Variants in NEK1 observed in about 807,000 individuals in gnomAD.
The protein encoded by NEK1 is NIMA related kinase 1.
In NEK1, 137 loss-of-function variants were observed where a neutral mutation model predicts 182.1. The observed-to-expected ratio is 0.75, with a 90% CI of 0.65 to 0.87. NEK1 has a LOEUF of 0.87. Among genes scored for constraint, NEK1 ranks in the 40% least tolerant of loss-of-function variants. NEK1 has a pLI of 0.00. For synonymous variants in NEK1, 513 were observed against 492.2 expected (o/e 1.04, Z -0.56); for missense variants, 1,391 against 1,494.4 (o/e 0.93, Z 1.14).
Position 169,555,972 on chromosome 4 carries a change from T to C in NEK1, c.1390A>G (p.Lys464Glu), listed in dbSNP as rs1333269223. Residue 464 changes from lysine to glutamate, a missense_variant, in exon 17 of 36, where the codon AAA becomes GAA. Lys to Glu is a moderately conservative substitution (Grantham distance 56). Around this residue, in one of 5 missense-constraint regions of NEK1, gnomAD observed 1,216 missense variants for 1,277.6 expected, o/e 0.95. Coordinates refer to ENST00000507142, the MANE Select transcript of NEK1 (RefSeq NM_001199397.3). ...QQQRAEDNEA[K>E]WKREIYGRGL... ...CGACCATATATTTCTCTTTTCCATTTAGCTTCATTATCTTCTGCTCTTTGT... is the reference window on the plus strand; with the variant it reads ...CGACCATATATTTCTCTTTTCCATTCAGCTTCATTATCTTCTGCTCTTTGT... 1 of 1,613,790 alleles carries C rather than the reference T, an allele frequency of 6.2e-7. No individual in the cohort carries two copies. Among genetic ancestry groups the C allele is most frequent in the Non-Finnish European group, 8.5e-7 (1 of 1,179,802 alleles).
chr4:169,448,650 G>C (rs1431602849), intron 27 of NEK1, among the ~76,000 whole-genome samples: 1 of 152,208 alleles, frequency 6.6e-6, no homozygotes, highest in Non-Finnish European at 1.5e-5. Flanking sequence ...AAGACAGAGA[G>C]TGGCTGAATA....
intron 26 of NEK1, among the ~76,000 whole-genome samples, chr4:169,474,414 C>G (rs1746581580): frequency 1.3e-5 from 2 of 152,166 alleles, no homozygotes; most frequent in Admixed American, 6.5e-5. Flanking sequence ...ACTCTACATC[C>G]CCACCAAGTA....
chr4:169,595,316 A>C (rs1321374305), intron 5 of NEK1, among the ~76,000 whole-genome samples: 3 of 152,178 alleles, frequency 2.0e-5, no homozygotes, highest in Non-Finnish European at 4.4e-5. Flanking sequence ...TAATGTTCAA[A>C]ATTTAATGAA....
chr4:169,588,106 T>G (rs1439565840), intron 8 of NEK1, among the ~76,000 whole-genome samples: 1 of 152,154 alleles, frequency 6.6e-6, no homozygotes, highest in Non-Finnish European at 1.5e-5. Flanking sequence ...ACATATTATA[T>G]AGTCTGCTAG....
intron 23 of NEK1, among the ~76,000 whole-genome samples, chr4:169,487,598 A>C (rs1198191896): frequency 6.6e-6 from 1 of 152,200 alleles, no homozygotes. Flanking sequence ...TGTCTTTGCT[A>C]TCGTGAATAG....
At chr4:169,428,935 C>T (rs1736918534) in intron 29 of NEK1, among the ~76,000 whole-genome samples, 1 of 151,896 alleles carries the variant, frequency 6.6e-6, no homozygotes. Context: ...ATAAAGAGTC[C>T]CCTTTATTCT....
chr4:169,413,617 C>T (rs74447266), intron 31 of NEK1, among the ~76,000 whole-genome samples: 2,131 of 152,262 alleles, frequency 0.014, 42 homozygotes, highest in African/African-American at 0.048. Context: ...GTGTGAGAAA[C>T]TAGATCAGTC....
chr4:169,449,958 A>T (rs1334093847), intron 27 of NEK1, among the ~76,000 whole-genome samples: 1 of 152,216 alleles, frequency 6.6e-6, no homozygotes, highest in Non-Finnish European at 1.5e-5. Context: ...GGCTAACTAT[A>T]ATAAACAGTG....
intron 2 of NEK1, among the ~76,000 whole-genome samples, chr4:169,607,612 G>A (rs936424130): frequency 5.9e-5 from 9 of 152,094 alleles, no homozygotes; most frequent in South Asian, 2.1e-4. Flanking sequence ...ACAGGCGCCT[G>A]CCACCACGCC....
At chr4:169,433,147 C>G (rs1004760490) in intron 29 of NEK1, among the ~76,000 whole-genome samples, 5 of 152,124 alleles carry the variant, frequency 3.3e-5, no homozygotes, top group Non-Finnish European at 7.4e-5. Context: ...GCAATCTCTG[C>G]CTCCTGGATT....
Position 169,585,490 on chromosome 4 carries a change from A to G in NEK1, c.666T>C (p.Pro222=). ...VLKIISGSFP[P]VSLHYSYDLR... ...GATCATAGGAATAATGCAAAGACAC[A>G]GGTGGAAAAGATCCAGATATTATCT... Residue 222 remains proline (P), a synonymous_variant, in exon 10 of 36, where the codon CCT becomes CCC. Transcript: ENST00000507142. 6.2e-7 allele frequency: 1 copy of G among 1,613,594 alleles called. No homozygotes were observed. Among genetic ancestry groups the G allele is most frequent in the South Asian group, 1.1e-5 (1 of 91,044 alleles).
At position 169,525,833 on chromosome 4, in the gene NEK1, T is replaced by C. The variant is rs530462008; in HGVS notation, c.1665+11976A>G. 1.3e-3 allele frequency among the ~76,000 whole-genome samples: 193 copies of C among 152,268 alleles called. 1 individual carries two copies. Among genetic ancestry groups the C allele is most frequent in the African/African-American group, 4.5e-3 (185 of 41,546 alleles). The stretch of plus-strand genomic sequence containing the variant: ...GCCATTTAAAAAGGAACAAACAACA[T>C]AGTCAAACAGCTAAAAGCATAATCT... On this transcript the variant is annotated intron_variant, in intron 19 of 35. Transcript: ENST00000507142.
chr4:169,410,322 G>C (rs1338135570), intron 31 of NEK1, among the ~76,000 whole-genome samples: 2 of 151,822 alleles, frequency 1.3e-5, no homozygotes, highest in Non-Finnish European at 2.9e-5. Context: ...TTGCTGGTTA[G>C]TTCTATTTTT....
intron 19 of NEK1, among the ~76,000 whole-genome samples, chr4:169,531,513 T>G (rs1411534840): frequency 2.0e-5 from 3 of 151,406 alleles, no homozygotes; most frequent in African/African-American, 7.3e-5. Flanking sequence ...TATATATGTA[T>G]GTGTATATGC....
At chr4:169,411,396 G>A (rs28474970) in intron 31 of NEK1, among the ~76,000 whole-genome samples, 1,754 of 151,752 alleles carry the variant, frequency 0.012, 39 homozygotes, top group African/African-American at 0.04. Context: ...ATGCAATCTC[G>A]GCTCACTGCA....
chr4:169,422,923 A>G (rs1309444026), intron 31 of NEK1, among the ~76,000 whole-genome samples: 2 of 152,202 alleles, frequency 1.3e-5, no homozygotes, highest in Non-Finnish European at 2.9e-5. Flanking sequence ...GTCCTTATCT[A>G]TAGGCCTTTC....
chr4:169,506,018 A>C (rs900543775), intron 23 of NEK1, among the ~76,000 whole-genome samples: 1 of 152,028 alleles, frequency 6.6e-6, no homozygotes, highest in Non-Finnish European at 1.5e-5. Flanking sequence ...AAACTATTAT[A>C]ACTATGTCAA....
chr4:169,417,960 AC>A (rs1200717939), intron 31 of NEK1, among the ~76,000 whole-genome samples: 1 of 152,216 alleles, frequency 6.6e-6, no homozygotes, highest in African/African-American at 2.4e-5. Flanking sequence ...TTAAAATAAA[AC>A]AAAAAAAACT....
At chr4:169,563,254 A>T (rs972964696) in intron 12 of NEK1, among the ~76,000 whole-genome samples, 66 of 152,098 alleles carry the variant, frequency 4.3e-4, no homozygotes, top group African/African-American at 1.6e-3. Flanking sequence ...CCAGCTACTC[A>T]GGAGGCTGAG....
Sources: gnomAD v4.1 joint callset for allele counts (sites outside exome capture counted in the v4.1 genomes callset) on GRCh38, gnomAD v4.1.1 for gene constraint, gnomAD v4.1.1 regional missense constraint, MANE v1.5 for transcripts, NCBI Gene and HGNC (gene_info 2026-07-23, HGNC 2026-07-21) for gene names.